Variants in CUX2 observed in about 807,000 individuals in gnomAD.
CUX2 encodes the protein cut like homeobox 2.
In CUX2, 40 loss-of-function variants were observed where a neutral mutation model predicts 144.8. That is an observed-to-expected ratio of 0.28 (90% CI 0.21 to 0.36). The LOEUF (loss-of-function observed/expected upper bound fraction) is 0.36, where lower values mean the gene tolerates loss of function less well. Ranked by LOEUF, CUX2 falls within the 10% of genes least tolerant of loss-of-function variation. The pLI, the probability that CUX2 is intolerant of heterozygous loss-of-function variation, is 1.00. For missense variants in CUX2, 1,615 were observed against 1,994.0 expected, an observed-to-expected ratio of 0.81 and a Z score of 3.62; for synonymous variants, 827 against 875.6, an observed-to-expected ratio of 0.94 and a Z score of 0.98.
chr12:111,041,082 G>C (rs1012446279), intron 1 of CUX2, among the ~76,000 whole-genome samples: 4 of 152,188 alleles, frequency 2.6e-5, no homozygotes, highest in Non-Finnish European at 5.9e-5. Flanking sequence ...GCAGTGAGAG[G>C]CCCCTGCCTG....
chr12:111,225,954 A>C (rs558553690), intron 3 of CUX2, among the ~76,000 whole-genome samples: 2 of 152,252 alleles, frequency 1.3e-5, no homozygotes, highest in Non-Finnish European at 2.9e-5. Context: ...CCCGACATGC[A>C]CATGTGCACA....
intron 1 of CUX2, among the ~76,000 whole-genome samples, chr12:111,088,917 A>G (rs1260663283): frequency 6.6e-6 from 1 of 152,084 alleles, no homozygotes; most frequent in Non-Finnish European, 1.5e-5. Context: ...GTGGAGAGTC[A>G]TCTTGGGTTT....
In CUX2 at chr12:111,037,151, G is replaced by A. The variant is rs987598093; in HGVS notation, c.63+2911G>A. ...TCCCCGTGCCCAGCCCCAGGCAGCCGGAGAGCCGGGGTCCCGCGTCCCGAG... is the reference window on the plus strand; with the variant it reads ...TCCCCGTGCCCAGCCCCAGGCAGCCAGAGAGCCGGGGTCCCGCGTCCCGAG... On this transcript the variant is annotated intron_variant, in intron 1 of 21. Transcript: ENST00000261726. This position sits in a 1 kb window ranked among gnomAD's most constrained non-coding sequence, Gnocchi z 5.4. Among the ~76,000 whole-genome samples, 2 of 152,166 alleles carry A rather than the reference G, an allele frequency of 1.3e-5. No homozygotes were observed. Among genetic ancestry groups the A allele is most frequent in the African/African-American group, 4.8e-5 (2 of 41,432 alleles).
chr12:111,103,150 G>A (rs1176118203), intron 1 of CUX2, among the ~76,000 whole-genome samples: 2 of 152,178 alleles, frequency 1.3e-5, no homozygotes, highest in African/African-American at 4.8e-5. Context: ...TCACTGGGAT[G>A]CTTTGAGCAA....
At chr12:111,335,290 G>T (rs992800581) in intron 19 of CUX2, among the ~76,000 whole-genome samples, 18 of 152,130 alleles carry the variant, frequency 1.2e-4, no homozygotes, top group Admixed American at 1.1e-3. Context: ...CTACTTGGGA[G>T]GCTGAGGCAG....
Position 111,334,692 on chromosome 12 carries a change from C to G in CUX2, c.3178C>G (p.Leu1060Val). The G allele has an allele frequency of 6.2e-7, 1 of 1,610,334 alleles. No homozygotes were observed. Among genetic ancestry groups the G allele is most frequent in the Non-Finnish European group, 8.5e-7 (1 of 1,177,904 alleles). ...YSITKRVKEV[L>V]TDNNLGQRLF... ...CATCACCAAGAGGGTGAAGGAGGTC[C>G]TCACAGACAACAATCTAGGTACGGA... is the stretch of plus-strand genomic sequence containing the variant. Residue 1060 changes from leucine to valine, a missense_variant, in exon 19 of 22, where the codon CTC becomes GTC. Leu to Val is a conservative substitution (Grantham distance 32, BLOSUM62 1). This residue lies in a region of CUX2 where 128 missense variants were observed against 124.4 expected (regional missense o/e 1.03). Transcript: ENST00000261726.
intron 3 of CUX2, among the ~76,000 whole-genome samples, chr12:111,242,248 C>T (rs1883054140): frequency 6.6e-6 from 1 of 152,226 alleles, no homozygotes; most frequent in Non-Finnish European, 1.5e-5. Flanking sequence ...GGGAGGAAAC[C>T]TTAAAGGTTG....
Position 111,312,056 on chromosome 12 carries a change from C to T in CUX2, c.1901-44C>T. On this transcript the variant is annotated intron_variant, in intron 15 of 21. Coordinates refer to ENST00000261726, the MANE Select transcript of CUX2 (RefSeq NM_015267.4). This position sits in a 1 kb window ranked among gnomAD's most constrained non-coding sequence, Gnocchi z 4.3. ...ACCCCACCAGGCTCCGGAGACTGAG[C>T]CCAACATGCAGATCCTGCCACAGAT... The T allele has an allele frequency of 6.4e-6, 10 of 1,562,356 alleles. No individual in the cohort carries two copies. Among genetic ancestry groups the T allele is most frequent in the Non-Finnish European group, 7.9e-6 (9 of 1,140,630 alleles).
chr12:111,326,518 A>G (rs149293329), intron 18 of CUX2, among the ~76,000 whole-genome samples: 3,552 of 151,790 alleles, frequency 0.023, 100 homozygotes, highest in East Asian at 0.073. Context: ...GTTTTTTGAG[A>G]CATAGTCTCA....
At position 111,035,160 on chromosome 12, in the gene CUX2, C is replaced by T. The variant is rs1869368350; in HGVS notation, c.63+920C>T. On this transcript the variant is annotated intron_variant, in intron 1 of 21. Coordinates refer to ENST00000261726, the MANE Select transcript of CUX2 (RefSeq NM_015267.4). The surrounding 1 kb of genome is among the most constrained non-coding windows in gnomAD (Gnocchi z 6.0). ...GAGATTTCCTTGCTTGTTCTGCCTC[C>T]TGCGTTTCTCCCCGCTGCTCCCCTC... 6.6e-6 allele frequency among the ~76,000 whole-genome samples: 1 copy of T among 152,192 alleles called. No homozygotes were observed. Among genetic ancestry groups the T allele is most frequent in the South Asian group, 2.1e-4 (1 of 4,830 alleles).
intron 1 of CUX2, among the ~76,000 whole-genome samples, chr12:111,081,511 A>G (rs1276880542): frequency 6.6e-6 from 1 of 152,114 alleles, no homozygotes; most frequent in African/African-American, 2.4e-5. Flanking sequence ...GAAGAACCTC[A>G]CCCAGGACTC....
At chr12:111,133,221 G>A (rs887517875) in intron 1 of CUX2, among the ~76,000 whole-genome samples, 2 of 152,100 alleles carry the variant, frequency 1.3e-5, no homozygotes, top group Admixed American at 6.5e-5. Flanking sequence ...ACCTCTGCCT[G>A]TTACCCAGTT....
chr12:111,318,227 A>G (rs1000112105), intron 16 of CUX2, among the ~76,000 whole-genome samples: 4 of 140,092 alleles, frequency 2.9e-5, no homozygotes, highest in African/African-American at 1.2e-4. Flanking sequence ...ATGCCTGGCT[A>G]ATTTTTTTTT....
At chr12:111,193,109 T>C (rs1401027357) in intron 1 of CUX2, among the ~76,000 whole-genome samples, 1 of 152,058 alleles carries the variant, frequency 6.6e-6, no homozygotes, top group Non-Finnish European at 1.5e-5. Context: ...AGCCAAGGCA[T>C]TTGGACCTGG....
rs1220507988 is a variant in CUX2 at position 111,310,180 on chromosome 12, C to T, written c.1398C>T (p.Pro466=). Reference sequence around the variant, plus strand: ...GCCCCGGGCAGCCCCTGCTGGGCCCCAGCTTGGGGCCTGACGGCACTCGGA... The same window carrying T: ...GCCCCGGGCAGCCCCTGCTGGGCCCTAGCTTGGGGCCTGACGGCACTCGGA... ...SPSPGQPLLG[P]SLGPDGTRTF... The change falls in exon 15 of 22, where the codon CCC becomes CCT. Residue 466 remains proline, a synonymous_variant. Transcript: ENST00000261726. The surrounding 1 kb of genome is among the most constrained non-coding windows in gnomAD (Gnocchi z 7.9). 2 of 1,552,860 alleles carry T rather than the reference C, an allele frequency of 1.3e-6. No homozygotes were observed. The highest frequency in any genetic ancestry group is 1.7e-6 in the Non-Finnish European group (2 of 1,151,306).
chr12:111,239,176 G>T (rs1366779841), intron 3 of CUX2, among the ~76,000 whole-genome samples: 1 of 152,158 alleles, frequency 6.6e-6, no homozygotes, highest in Non-Finnish European at 1.5e-5. Context: ...CTTTGTGTGT[G>T]TCTCCTACTA....
At chr12:111,177,206 C>T (rs1878909801) in intron 1 of CUX2, among the ~76,000 whole-genome samples, 1 of 152,084 alleles carries the variant, frequency 6.6e-6, no homozygotes, top group Admixed American at 6.6e-5. Context: ...TACTTGGGAG[C>T]AGGGCCCGCG....
At chr12:111,162,392 A>G (rs774435688) in intron 1 of CUX2, among the ~76,000 whole-genome samples, 11 of 152,254 alleles carry the variant, frequency 7.2e-5, no homozygotes, top group Non-Finnish European at 1.6e-4. Context: ...AAGCAGGCTT[A>G]TCACGGGAGC....
intron 1 of CUX2, among the ~76,000 whole-genome samples, chr12:111,182,568 C>T (rs147313229): frequency 3.1e-4 from 47 of 152,298 alleles, no homozygotes; most frequent in African/African-American, 1.1e-3. Flanking sequence ...ATGGAGAAGG[C>T]GGCTCAGGTG....
Sources: allele counts gnomAD v4.1 joint callset (sites outside exome capture counted in the v4.1 genomes callset), GRCh38; gene constraint gnomAD v4.1.1; regional missense constraint gnomAD v4.1.1; non-coding constraint Gnocchi (gnomAD v3.1); transcripts MANE v1.5; gene names NCBI Gene and HGNC (gene_info 2026-07-23, HGNC 2026-07-21).